Variants in CAST observed in about 807,000 individuals in gnomAD.
CAST encodes the protein MIR583 host.
CAST carries 76 observed loss-of-function variants against 119.6 expected under a neutral mutation model. That is an observed-to-expected ratio of 0.64 (90% CI 0.53 to 0.77). CAST has a LOEUF of 0.77. CAST is among the 30% of genes least tolerant of loss of function. The pLI, the probability that CAST is intolerant of heterozygous loss-of-function variation, is 0.00. For synonymous variants in CAST, 319 were observed against 331.6 expected (o/e 0.96, Z 0.41); for missense variants, 953 against 946.5 (o/e 1.01, Z -0.09).
the CAST span, among the ~76,000 whole-genome samples, chr5:96,437,051 C>T: frequency 6.6e-6 from 1 of 152,200 alleles, no homozygotes; most frequent in African/African-American, 2.4e-5. Context: ...CAGCAACAAG[C>T]TACTCACCTG....
the CAST span, among the ~76,000 whole-genome samples, chr5:96,425,003 G>GA: frequency 1.9e-5 from 2 of 106,412 alleles, no homozygotes; most frequent in Non-Finnish European, 3.7e-5. Context: ...GAAAGAGAAA[G>GA]AAAGAAAAGA....
chr5:96,650,850 A>G (rs1748085885), intron 1 of CAST, among the ~76,000 whole-genome samples: 1 of 152,074 alleles, frequency 6.6e-6, no homozygotes, highest in Non-Finnish European at 1.5e-5. Context: ...TTCCAGATGT[A>G]TAGAGATAGA....
chr5:96,174,618 T>C, the CAST span, among the ~76,000 whole-genome samples: 1 of 152,236 alleles, frequency 6.6e-6, no homozygotes, highest in African/African-American at 2.4e-5. Flanking sequence ...ATTGGCACTG[T>C]TTTTTTGTTC....
At chr5:96,757,263 T>C (rs982677402) in intron 22 of CAST, among the ~76,000 whole-genome samples, 181 bp from the exon 23 acceptor site, 1 of 152,258 alleles carries the variant, frequency 6.6e-6, no homozygotes, top group African/African-American at 2.4e-5. Context: ...GTGAGCTGTT[T>C]GTTGCCATGA....
At chr5:95,999,940 C>A in the CAST span, among the ~76,000 whole-genome samples, 1 of 152,148 alleles carries the variant, frequency 6.6e-6, no homozygotes, top group African/African-American at 2.4e-5. Flanking sequence ...TTTATTATAA[C>A]CATTTCAGTG....
intron 1 of CAST, among the ~76,000 whole-genome samples, chr5:96,592,764 C>CTTTTT (rs763848888): frequency 1.4e-5 from 2 of 146,848 alleles, no homozygotes. Context: ...GTTTTATTTT[C>CTTTTT]TTTTTTTTTT....
At chr5:96,477,805 A>G in the CAST span, among the ~76,000 whole-genome samples, 1 of 152,182 alleles carries the variant, frequency 6.6e-6, no homozygotes, top group Non-Finnish European at 1.5e-5. Context: ...GATCAAGGGA[A>G]TGAGAGAGGA....
At chr5:96,559,561 A>G (rs936573141) in intron 1 of CAST, among the ~76,000 whole-genome samples, 16 of 151,722 alleles carry the variant, frequency 1.1e-4, no homozygotes, top group African/African-American at 3.4e-4. Context: ...TTATACACCA[A>G]TAACAAACAG....
At chr5:96,467,253 G>A in the CAST span, among the ~76,000 whole-genome samples, 9 of 151,782 alleles carry the variant, frequency 5.9e-5, no homozygotes, top group African/African-American at 1.9e-4. Context: ...TGTGATATAT[G>A]TTGAAAATAT....
chr5:96,087,351 ATCT>A, the CAST span, among the ~76,000 whole-genome samples: 1 of 152,176 alleles, frequency 6.6e-6, no homozygotes, highest in Non-Finnish European at 1.5e-5. Flanking sequence ...TGAAAAACCA[ATCT>A]TCTTAAAATT....
chr5:96,132,418 C>G, the CAST span, among the ~76,000 whole-genome samples: 1 of 151,952 alleles, frequency 6.6e-6, no homozygotes, highest in African/African-American at 2.4e-5. Context: ...GAGAATATTT[C>G]AAATCTTTTC....
chr5:96,174,689 G>A, the CAST span, among the ~76,000 whole-genome samples: 2 of 152,110 alleles, frequency 1.3e-5, no homozygotes, highest in Non-Finnish European at 2.9e-5. Context: ...TCTAGCTTCT[G>A]GCTCATGATT....
chr5:96,728,939 T>C, intron 6 of CAST: 1 of 503,212 alleles, frequency 2.0e-6, no homozygotes, highest in Non-Finnish European at 3.6e-6. Context: ...ATTATTCTGA[T>C]AATCACCATT....
the CAST span, among the ~76,000 whole-genome samples, chr5:96,192,421 C>A: frequency 6.6e-6 from 1 of 152,100 alleles, no homozygotes; most frequent in Admixed American, 6.5e-5. Context: ...TAGATGAATT[C>A]AAACTTCTAG....
intron 2 of CAST, among the ~76,000 whole-genome samples, chr5:96,685,384 G>A (rs1373383768): frequency 1.3e-5 from 2 of 152,006 alleles, no homozygotes; most frequent in South Asian, 2.1e-4. Flanking sequence ...GGGATGACTG[G>A]TTCAAAAGGG....
At chr5:96,729,273 C>G in intron 7 of CAST, 64 bp downstream of exon 7, 1 of 920,466 alleles carries the variant, frequency 1.1e-6, no homozygotes, top group Non-Finnish European at 1.7e-6. Context: ...TAATTAAAAT[C>G]TTTCATTAAT....
At chr5:96,193,066 A>G in the CAST span, among the ~76,000 whole-genome samples, 1 of 152,248 alleles carries the variant, frequency 6.6e-6, no homozygotes, top group African/African-American at 2.4e-5. Flanking sequence ...AAAAATTAAT[A>G]CATGCGTTTA....
the CAST span, chr5:96,050,078 A>G: frequency 6.6e-6 from 1 of 152,076 alleles, no homozygotes; most frequent in Non-Finnish European, 1.5e-5. Flanking sequence ...TGCACTGGGA[A>G]AAAAAGAAGC....
the CAST span, among the ~76,000 whole-genome samples, chr5:96,311,776 C>T: frequency 6.6e-6 from 1 of 151,824 alleles, no homozygotes; most frequent in Non-Finnish European, 1.5e-5. Flanking sequence ...TTTTCCATCC[C>T]TCCACTTTCA....
Sources: gnomAD v4.1 joint callset for allele counts (sites outside exome capture counted in the v4.1 genomes callset) on GRCh38, gnomAD v4.1.1 for gene constraint, MANE v1.5 for transcripts, NCBI Gene and HGNC (gene_info 2026-07-23, HGNC 2026-07-21) for gene names.